NKAIN3: variants seen among roughly 807,000 people sequenced by gnomAD.
NKAIN3 encodes sodium/potassium-transporting ATPase subunit beta-1-interacting protein 3.
In NKAIN3, 25 loss-of-function variants were observed where a neutral mutation model predicts 30.2. The observed-to-expected ratio is 0.83, with a 90% confidence interval of 0.60 to 1.16. NKAIN3 has a LOEUF of 1.16. Ranked by LOEUF, NKAIN3 falls within the 50% of genes most tolerant of loss-of-function variation. NKAIN3 has a pLI of 0.00. For missense variants in NKAIN3, 225 were observed against 254.1 expected, an observed-to-expected ratio of 0.89 and a Z score of 0.78; for synonymous variants, 91 against 89.6, an observed-to-expected ratio of 1.02 and a Z score of -0.09.
intron 1 of NKAIN3, among the ~76,000 whole-genome samples, chr8:62,435,683 G>A (rs1304636757): frequency 1.3e-5 from 2 of 152,012 alleles, no homozygotes; most frequent in South Asian, 2.1e-4. Context: ...AATATGCATT[G>A]TTATCCAAGA....
chr8:62,295,334 T>C (rs1813791451), intron 1 of NKAIN3, among the ~76,000 whole-genome samples: 1 of 152,170 alleles, frequency 6.6e-6, no homozygotes, highest in Non-Finnish European at 1.5e-5. Flanking sequence ...TCAGCTCTAG[T>C]GTCCAGCAAA....
At chr8:62,646,541 C>T (rs1477206026) in intron 3 of NKAIN3, among the ~76,000 whole-genome samples, 2 of 152,080 alleles carry the variant, frequency 1.3e-5, no homozygotes, top group Non-Finnish European at 2.9e-5. Context: ...AAATTTAATT[C>T]TTATGTTTCT....
rs758439828 is a variant in NKAIN3 at position 62,918,435 on chromosome 8, AT to A, written c.472-12del. On this transcript the variant is annotated splice_polypyrimidine_tract_variant and intron_variant, in intron 4 of 6. Coordinates refer to ENST00000623646, the MANE Select transcript of NKAIN3 (RefSeq NM_001304533.3). ...CTTGGCATAGATTCTTAAGGTACACATTTTTTCCCTTTTGCAGTTGGTGGGT... is the reference window on the plus strand; with the variant it reads ...CTTGGCATAGATTCTTAAGGTACACATTTTTCCCTTTTGCAGTTGGTGGGT... 48 of 1,599,900 alleles carry A rather than the reference AT, an allele frequency of 3.0e-5. No individual in the cohort carries two copies. Among genetic ancestry groups the A allele is most frequent in the Non-Finnish European group, 3.9e-5 (45 of 1,167,708 alleles).
At chr8:62,464,521 A>G (rs1183165553) in intron 1 of NKAIN3, among the ~76,000 whole-genome samples, 1 of 152,196 alleles carries the variant, frequency 6.6e-6, no homozygotes, top group Admixed American at 6.5e-5. Context: ...GTTCAGTGAC[A>G]TTTTATTGCC....
At chr8:62,603,495 T>G (rs1811040477) in intron 3 of NKAIN3, among the ~76,000 whole-genome samples, 1 of 152,124 alleles carries the variant, frequency 6.6e-6, no homozygotes, top group African/African-American at 2.4e-5. Flanking sequence ...ACTTAAGTCA[T>G]TTAAATTCTT....
chr8:62,506,193 A>G (rs988700775), intron 1 of NKAIN3, among the ~76,000 whole-genome samples: 1 of 138,732 alleles, frequency 7.2e-6, no homozygotes, highest in African/African-American at 2.6e-5. Flanking sequence ...GTCATATAAT[A>G]TATTTACAGG....
At chr8:62,481,343 T>C (rs1806711549) in intron 1 of NKAIN3, among the ~76,000 whole-genome samples, 1 of 152,164 alleles carries the variant, frequency 6.6e-6, no homozygotes, top group Non-Finnish European at 1.5e-5. Context: ...GCATTCATCC[T>C]GGAGGGCACT....
chr8:62,486,544 G>A (rs958538632), intron 1 of NKAIN3, among the ~76,000 whole-genome samples: 3 of 152,088 alleles, frequency 2.0e-5, no homozygotes. Flanking sequence ...GTCTGGTGTA[G>A]CTAACCACAA....
chr8:62,898,522 G>A (rs1277603034), intron 4 of NKAIN3, among the ~76,000 whole-genome samples: 1 of 152,090 alleles, frequency 6.6e-6, no homozygotes, highest in African/African-American at 2.4e-5. Flanking sequence ...TACACGAAGG[G>A]ATACAGAGTG....
chr8:62,641,295 G>A (rs1246171983), intron 3 of NKAIN3, among the ~76,000 whole-genome samples: 1 of 152,072 alleles, frequency 6.6e-6, no homozygotes, highest in African/African-American at 2.4e-5. Flanking sequence ...TAATTGCTTT[G>A]ATTTTTGTTC....
intron 4 of NKAIN3, among the ~76,000 whole-genome samples, chr8:62,845,606 T>C (rs1053059871): frequency 2.6e-4 from 39 of 151,768 alleles, no homozygotes; most frequent in African/African-American, 8.5e-4. Flanking sequence ...ATCACAGTTA[T>C]CCCAGAAGAT....
intron 5 of NKAIN3, among the ~76,000 whole-genome samples, chr8:62,931,496 T>C (rs948509683): frequency 1.3e-5 from 2 of 152,232 alleles, no homozygotes; most frequent in African/African-American, 2.4e-5. Flanking sequence ...ATTAGCTTAC[T>C]TTGTTTTCTC....
At chr8:62,625,594 T>C (rs946468855) in intron 3 of NKAIN3, among the ~76,000 whole-genome samples, 1 of 152,110 alleles carries the variant, frequency 6.6e-6, no homozygotes, top group Admixed American at 6.6e-5. Flanking sequence ...GGGACAATAA[T>C]AGTCCCTGCC....
intron 4 of NKAIN3, among the ~76,000 whole-genome samples, chr8:62,900,092 T>C (rs763577013): frequency 3.4e-4 from 51 of 151,860 alleles, no homozygotes; most frequent in Non-Finnish European, 7.4e-4. Context: ...TTTCTATTGA[T>C]TTGAACATAT....
intron 1 of NKAIN3, among the ~76,000 whole-genome samples, chr8:62,544,399 A>G (rs1327410432): frequency 5.9e-5 from 9 of 152,192 alleles, no homozygotes; most frequent in Admixed American, 4.6e-4. Flanking sequence ...TGATTGCAAT[A>G]ATACATGTTT....
intron 5 of NKAIN3, among the ~76,000 whole-genome samples, chr8:62,919,909 T>G (rs72655074): frequency 7.9e-4 from 34 of 43,058 alleles, no homozygotes; most frequent in East Asian, 4.1e-3. Context: ...ACACAGAGTT[T>G]TTTTTTTTTT....
At chr8:62,858,835 G>A (rs1019393351) in intron 4 of NKAIN3, among the ~76,000 whole-genome samples, 39 of 152,224 alleles carry the variant, frequency 2.6e-4, no homozygotes, top group African/African-American at 8.4e-4. Flanking sequence ...AGTGGGTCTT[G>A]TCTTGTGAGG....
At chr8:62,505,293 A>G (rs1037445689) in intron 1 of NKAIN3, among the ~76,000 whole-genome samples, 1 of 152,172 alleles carries the variant, frequency 6.6e-6, no homozygotes, top group African/African-American at 2.4e-5. Context: ...TTGAAAAGCA[A>G]CTAACAAGAC....
intron 1 of NKAIN3, among the ~76,000 whole-genome samples, chr8:62,522,447 G>T (rs1808187186): frequency 6.6e-6 from 1 of 151,892 alleles, no homozygotes; most frequent in African/African-American, 2.4e-5. Flanking sequence ...CCCTATTTTA[G>T]AGTGTACTTC....
Sources: allele counts gnomAD v4.1 joint callset (sites outside exome capture counted in the v4.1 genomes callset), GRCh38; gene constraint gnomAD v4.1.1; transcripts MANE v1.5; gene names NCBI Gene and HGNC (gene_info 2026-07-23, HGNC 2026-07-21).